PDGFRA: variants seen among roughly 807,000 people sequenced by gnomAD.
The protein encoded by PDGFRA is platelet-derived growth factor receptor alpha.
A neutral mutation model predicts 121.5 loss-of-function variants in PDGFRA; 25 were observed. The ratio of observed to expected loss-of-function variants is 0.21; its 90% confidence interval spans 0.15 to 0.29. The LOEUF (loss-of-function observed/expected upper bound fraction) is 0.29. Among genes scored for constraint, PDGFRA ranks in the 10% least tolerant of loss-of-function variants. The pLI is 1.00. For synonymous variants in PDGFRA, 463 were observed against 494.8 expected (o/e 0.94, Z 0.85); for missense variants, 1,008 against 1,345.1 (o/e 0.75, Z 3.92).
At position 54,297,878 on chromosome 4, in the gene PDGFRA, CATAAG is replaced by C. The variant is rs1351465926; in HGVS notation, c.*2611_*2615del. ...ATGGTCCTATTTTTGTGAAGAGGGA[CATAAG>C]ATAAAATGATGTTATACATCAATAT... On this transcript the variant is annotated 3_prime_UTR_variant, in exon 23 of 23. Coordinates refer to ENST00000257290, the MANE Select transcript of PDGFRA (RefSeq NM_006206.6). The C allele has an allele frequency of 4.3e-6, 1 of 233,160 alleles. No individual in the cohort carries two copies. Among genetic ancestry groups the C allele is most frequent in the Non-Finnish European group, 8.5e-6 (1 of 117,888 alleles). The allele number at this position is 233,160 out of a possible 1,614,324, so 14.4% of individuals were successfully genotyped here.
intron 18 of PDGFRA, 107 bp downstream of exon 18, chr4:54,286,070 A>G (rs1392848936): frequency 4.3e-6 from 5 of 1,164,162 alleles, no homozygotes; most frequent in Non-Finnish European, 6.4e-6. Flanking sequence ...AAACATCAAT[A>G]GATTTCAAGG....
rs2110293414 is a variant in PDGFRA, at chr4:54,273,725, C to T, written c.1553C>T (p.Ala518Val). The change falls in exon 10 of 23, where the codon GCT becomes GTT. Residue 518 changes from alanine (A) to valine (V), a missense_variant. Coordinates refer to ENST00000257290, the MANE Select transcript of PDGFRA (RefSeq NM_006206.6). Reference sequence around the variant, plus strand: ...GAGAACCGAGAGCTGAAGCTGGTGGCTCCCAGTGAGTTCCTCAACAGTCAG... The same window carrying T: ...GAGAACCGAGAGCTGAAGCTGGTGGTTCCCAGTGAGTTCCTCAACAGTCAG... ...GAENRELKLVAPTLRSELTVA... is the reference protein window; with the variant it reads ...GAENRELKLVVPTLRSELTVA... The T allele has an allele frequency of 6.2e-7, 1 of 1,612,604 alleles. No individual in the cohort carries two copies. Among genetic ancestry groups the T allele is most frequent in the Non-Finnish European group, 8.5e-7 (1 of 1,179,746 alleles).
At chr4:54,285,749 A>C in intron 17 of PDGFRA, 92 bp from the exon 18 acceptor site, 1 of 1,388,924 alleles carries the variant, frequency 7.2e-7, no homozygotes, top group Non-Finnish European at 1.0e-6. Context: ...AGACAGCTCC[A>C]AGTGCCACCA....
chr4:54,288,756 C>G (rs1269290280), intron 19 of PDGFRA, 43 bp from the exon 20 acceptor site: 1 of 1,069,390 alleles, frequency 9.4e-7, no homozygotes. Context: ...CAGCAATGCA[C>G]TGAGCGTTTG....
intron 18 of PDGFRA, 60 bp from the exon 19 acceptor site, chr4:54,287,370 C>T: frequency 1.3e-6 from 1 of 793,960 alleles, no homozygotes; most frequent in South Asian, 1.3e-5. Context: ...TTTCTATTTC[C>T]ACTGCTGTGG....
At chr4:54,280,541 T>G (rs1372664894) in intron 16 of PDGFRA, 59 bp downstream of exon 16, 5 of 1,385,076 alleles carry the variant, frequency 3.6e-6, no homozygotes, top group Non-Finnish European at 5.1e-6. Context: ...AATATGATAC[T>G]TAAAGTATTT....
At chr4:54,292,568 G>C (rs1724683883) in intron 22 of PDGFRA, among the ~76,000 whole-genome samples, 1 of 152,088 alleles carries the variant, frequency 6.6e-6, no homozygotes, top group African/African-American at 2.4e-5. Flanking sequence ...TGGATACTGG[G>C]CATAATACCT....
At chr4:54,290,910 G>T (rs896880791) in intron 22 of PDGFRA, among the ~76,000 whole-genome samples, 1 of 152,102 alleles carries the variant, frequency 6.6e-6, no homozygotes, top group Non-Finnish European at 1.5e-5. Flanking sequence ...TTGAACTGGG[G>T]AAAAAGTGAA....
rs889394408 is a variant in PDGFRA, at chr4:54,263,923, A to C, written c.624A>C (p.Leu208Phe). 1.2e-6 allele frequency: 2 copies of C among 1,613,526 alleles called. No individual in the cohort carries two copies. The highest frequency in any genetic ancestry group is 2.2e-5 in the South Asian group (2 of 91,076). Residue 208 changes from leucine (L) to phenylalanine (F), a missense_variant, in exon 4 of 23, where the codon TTA becomes TTC. Leu to Phe is a conservative substitution (Grantham distance 22). Around this residue, in one of 5 missense-constraint regions of PDGFRA, gnomAD observed 575 missense variants for 701.8 expected, o/e 0.82. Coordinates refer to ENST00000257290, the MANE Select transcript of PDGFRA (RefSeq NM_006206.6). ...FQTIPFNVYA[L>F]KATSELDLEM... is the part of the protein sequence containing the mutation. ...CCATCCCATTTAATGTTTATGCTTT[A>C]AAAGGTACTTGTATCATCTCCTTCC...
intron 1 of PDGFRA, among the ~76,000 whole-genome samples, chr4:54,241,497 A>G (rs1481036237): frequency 6.6e-6 from 1 of 151,850 alleles, no homozygotes; most frequent in Admixed American, 6.6e-5. Flanking sequence ...AGATGTAATT[A>G]GCCATAACTG....
At chr4:54,246,254 CA>C (rs1192943247) in intron 1 of PDGFRA, among the ~76,000 whole-genome samples, 2 of 152,178 alleles carry the variant, frequency 1.3e-5, no homozygotes, top group Non-Finnish European at 2.9e-5. Context: ...CCCAAATCAA[CA>C]GAATATACAT....
chr4:54,231,174 G>A (rs1310928887), intron 1 of PDGFRA, among the ~76,000 whole-genome samples: 1 of 152,232 alleles, frequency 6.6e-6, no homozygotes, highest in Non-Finnish European at 1.5e-5. Context: ...TGCGCAAGGA[G>A]TGCCTGGAAG....
At chr4:54,235,770 G>T (rs1720973053) in intron 1 of PDGFRA, among the ~76,000 whole-genome samples, 1 of 152,180 alleles carries the variant, frequency 6.6e-6, no homozygotes, top group Admixed American at 6.5e-5. Flanking sequence ...AAAATATCTT[G>T]GGAGTCTGCA....
At chr4:54,264,609 T>G in intron 4 of PDGFRA, 1 of 346,088 alleles carries the variant, frequency 2.9e-6, no homozygotes, top group South Asian at 2.5e-5. Context: ...AATGAATAAA[T>G]TTATTAGTCA....
intron 1 of PDGFRA, among the ~76,000 whole-genome samples, chr4:54,241,514 A>AATTT (rs34623203): frequency 0.13 from 19,710 of 148,400 alleles, 1,396 homozygotes; most frequent in African/African-American, 0.17. Flanking sequence ...ACTGAAAGGA[A>AATTT]ATTTATTTAT....
intron 16 of PDGFRA, among the ~76,000 whole-genome samples, chr4:54,284,875 CTATCTTTTTTTT>C (rs1405467716): frequency 9.6e-6 from 1 of 104,114 alleles, no homozygotes; most frequent in Non-Finnish European, 1.9e-5. Flanking sequence ...TTCATTCTTT[CTATCTTTTTTTT>C]TTTTTTTTTT....
At chr4:54,243,327 T>C (rs1721416018) in intron 1 of PDGFRA, among the ~76,000 whole-genome samples, 1 of 152,216 alleles carries the variant, frequency 6.6e-6, no homozygotes, top group Non-Finnish European at 1.5e-5. Flanking sequence ...CATTATAGCA[T>C]ATGTAATTGA....
intron 1 of PDGFRA, among the ~76,000 whole-genome samples, chr4:54,256,723 A>T (rs568238746): frequency 6.6e-6 from 1 of 151,616 alleles, no homozygotes; most frequent in African/African-American, 2.4e-5. Context: ...TAAAGACCCC[A>T]GGATGCGGGC....
At chr4:54,284,732 C>A (rs1724234504) in intron 16 of PDGFRA, among the ~76,000 whole-genome samples, 1 of 152,082 alleles carries the variant, frequency 6.6e-6, no homozygotes, top group Non-Finnish European at 1.5e-5. Context: ...CCAGGCCCCA[C>A]CTCCAATACT....
Sources: gnomAD v4.1 joint callset for allele counts (sites outside exome capture counted in the v4.1 genomes callset) on GRCh38, gnomAD v4.1.1 for gene constraint, gnomAD v4.1.1 regional missense constraint, MANE v1.5 for transcripts, NCBI Gene and HGNC (gene_info 2026-07-23, HGNC 2026-07-21) for gene names.